HMGN3: variants seen among roughly 807,000 people sequenced by gnomAD.
HMGN3 encodes the protein high mobility group nucleosomal binding domain 3, also known as high mobility group nucleosome-binding domain-containing protein 3.
In HMGN3, 6 loss-of-function variants were observed where a neutral mutation model predicts 18.8. The observed-to-expected ratio is 0.32, with a 90% CI of 0.18 to 0.63. The LOEUF (loss-of-function observed/expected upper bound fraction) is 0.63. Ranked by LOEUF, HMGN3 falls within the 30% of genes least tolerant of loss-of-function variation. HMGN3 has a pLI of 0.79. For synonymous variants in HMGN3, 40 were observed against 36.5 expected, an observed-to-expected ratio of 1.10 and a Z score of -0.35; for missense variants, 107 against 114.2, an observed-to-expected ratio of 0.94 and a Z score of 0.29.
At chr6:79,212,847 A>G (rs951160586) in intron 2 of HMGN3, among the ~76,000 whole-genome samples, 3 of 152,144 alleles carry the variant, frequency 2.0e-5, no homozygotes, top group African/African-American at 7.2e-5. Flanking sequence ...AAATCAATCA[A>G]TCAATACACT....
intron 2 of HMGN3, among the ~76,000 whole-genome samples, chr6:79,211,778 T>C (rs1200744037): frequency 1.3e-5 from 2 of 152,164 alleles, no homozygotes; most frequent in Admixed American, 6.5e-5. Flanking sequence ...GAGAAAATTC[T>C]GGTGAAGCCT....
At chr6:79,201,928 T>C (rs906936230) in intron 5 of HMGN3, 135 bp downstream of exon 6, 11 of 1,443,466 alleles carry the variant, frequency 7.6e-6, no homozygotes, top group Non-Finnish European at 9.0e-6. Flanking sequence ...ATTTATTGCT[T>C]TCTGCTTTTC....
intron 3 of HMGN3, among the ~76,000 whole-genome samples, chr6:79,203,859 C>T (rs548404291): frequency 5.3e-5 from 8 of 152,154 alleles, no homozygotes; most frequent in South Asian, 4.2e-4. Flanking sequence ...ATTGAAAAGC[C>T]GACTCCTTAT....
chr6:79,217,828 A>G (rs1216092808), intron 1 of HMGN3, among the ~76,000 whole-genome samples: 1 of 152,202 alleles, frequency 6.6e-6, no homozygotes, highest in African/African-American at 2.4e-5. Flanking sequence ...AAAAACATAG[A>G]AAGGAGGGAA....
chr6:79,229,780 A>C (rs1345941064), intron 1 of HMGN3, among the ~76,000 whole-genome samples: 1 of 152,102 alleles, frequency 6.6e-6, no homozygotes, highest in Admixed American at 6.6e-5. Context: ...CGGGAGACTG[A>C]GGCAGGAGAA....
intron 1 of HMGN3, among the ~76,000 whole-genome samples, chr6:79,228,119 C>A (rs1476490855): frequency 6.6e-6 from 1 of 152,092 alleles, no homozygotes; most frequent in East Asian, 1.9e-4. Context: ...TTCAGCCTGG[C>A]CAAACCTTTG....
chr6:79,203,900 G>A (rs1255573630), intron 3 of HMGN3, among the ~76,000 whole-genome samples: 6 of 152,204 alleles, frequency 3.9e-5, no homozygotes, highest in African/African-American at 1.2e-4. Flanking sequence ...TCCGGGAACA[G>A]GTCTAAGCTT....
At chr6:79,217,039 T>G (rs1355334350) in intron 1 of HMGN3, among the ~76,000 whole-genome samples, 1 of 152,224 alleles carries the variant, frequency 6.6e-6, no homozygotes, top group African/African-American at 2.4e-5. Context: ...GAGTTCAATC[T>G]CTAAACACCG....
At chr6:79,209,522 T>TA (rs928440144) in intron 2 of HMGN3, among the ~76,000 whole-genome samples, 1 of 152,204 alleles carries the variant, frequency 6.6e-6, no homozygotes, top group African/African-American at 2.4e-5. Context: ...CTGGCCAACA[T>TA]ATAGTACAAA....
chr6:79,210,498 T>A (rs1439597546), intron 2 of HMGN3, among the ~76,000 whole-genome samples: 1 of 152,154 alleles, frequency 6.6e-6, no homozygotes, highest in African/African-American at 2.4e-5. Context: ...ATCTGACACG[T>A]CTCCATACCT....
At chr6:79,219,481 C>T (rs1393343899) in intron 1 of HMGN3, among the ~76,000 whole-genome samples, 1 of 151,804 alleles carries the variant, frequency 6.6e-6, no homozygotes, top group Non-Finnish European at 1.5e-5. Context: ...AAAAACAAAT[C>T]TAGAAGGAAG....
intron 1 of HMGN3, among the ~76,000 whole-genome samples, chr6:79,219,347 C>T (rs1266397657): frequency 1.3e-5 from 2 of 152,066 alleles, no homozygotes; most frequent in Non-Finnish European, 2.9e-5. Flanking sequence ...CTATACCTAG[C>T]TATCATTCAA....
intron 2 of HMGN3, among the ~76,000 whole-genome samples, chr6:79,213,129 C>T (rs1426597046): frequency 6.6e-6 from 1 of 151,454 alleles, no homozygotes; most frequent in African/African-American, 2.4e-5. Flanking sequence ...CAGTCCCAGC[C>T]ACTTGGAGGC....
In HMGN3 at chr6:79,229,660, G is replaced by A. The variant is rs564330658; in HGVS notation, c.15+4886C>T. 3.3e-5 allele frequency among the ~76,000 whole-genome samples: 5 copies of A among 152,216 alleles called. No individual in the cohort carries two copies. In the South Asian group the frequency reaches 1.0e-3, roughly 32 times the overall value. On this transcript the variant is annotated intron_variant, in intron 1 of 5. Transcript: ENST00000344726. ...TGGGAGGCCGAGACGGGCGGATCAC[G>A]AGGTCAGGAGATCAAGACCATCCTG...
At chr6:79,226,493 CTGT>C (rs1425313486) in intron 1 of HMGN3, among the ~76,000 whole-genome samples, 12 of 152,130 alleles carry the variant, frequency 7.9e-5, no homozygotes, top group Non-Finnish European at 1.6e-4. Context: ...CTTCATTAAA[CTGT>C]TGTGAGAATA....
At chr6:79,225,382 C>T (rs1256446590) in intron 1 of HMGN3, among the ~76,000 whole-genome samples, 1 of 152,146 alleles carries the variant, frequency 6.6e-6, no homozygotes, top group Non-Finnish European at 1.5e-5. Context: ...CATTAGTCAA[C>T]TGGTAATCTA....
At chr6:79,201,997 A>T in intron 5 of HMGN3, 66 bp downstream of exon 6, 1 of 1,482,238 alleles carries the variant, frequency 6.7e-7, no homozygotes, top group Non-Finnish European at 8.9e-7. Context: ...TAAAAAAAAA[A>T]ACCACCACAC....
intron 2 of HMGN3, among the ~76,000 whole-genome samples, chr6:79,212,593 A>G (rs1361368865): frequency 6.6e-6 from 1 of 152,232 alleles, no homozygotes; most frequent in Non-Finnish European, 1.5e-5. Context: ...TGGACCAGAC[A>G]AAATAATGGA....
intron 1 of HMGN3, among the ~76,000 whole-genome samples, chr6:79,217,301 T>TCACAG (rs1777040852): frequency 6.6e-6 from 1 of 152,196 alleles, no homozygotes; most frequent in Non-Finnish European, 1.5e-5. Context: ...TACAATGGTA[T>TCACAG]GAATGCAGGA....
Sources: allele counts gnomAD v4.1 joint callset (sites outside exome capture counted in the v4.1 genomes callset), GRCh38; gene constraint gnomAD v4.1.1; transcripts MANE v1.5; gene names NCBI Gene and HGNC (gene_info 2026-07-23, HGNC 2026-07-21).